The following ANKS1B variants were observed in gnomAD, a reference collection of about 807,000 sequenced individuals.
The protein encoded by ANKS1B is ankyrin repeat and sterile alpha motif domain containing 1B, also known as ankyrin repeat and sterile alpha motif domain-containing protein 1B.
ANKS1B carries 36 observed loss-of-function variants against 148.3 expected under a neutral mutation model. The observed-to-expected ratio is 0.24, with a 90% CI of 0.19 to 0.32. ANKS1B has a LOEUF of 0.32. ANKS1B is among the 10% of genes least tolerant of loss of function. The probability of loss-of-function intolerance (pLI) is 1.00; values close to 1 mark genes in which losing one functional copy is unlikely to be tolerated. For missense variants in ANKS1B, 1,157 were observed against 1,542.6 expected (o/e 0.75, Z 4.19); for synonymous variants, 542 against 560.8 (o/e 0.97, Z 0.47).
At chr12:99,717,899 CTT>C (rs943618905) in intron 8 of ANKS1B, among the ~76,000 whole-genome samples, 376 of 111,022 alleles carry the variant, frequency 3.4e-3, no homozygotes, top group Non-Finnish European at 4.4e-3. Flanking sequence ...AGACAATACT[CTT>C]TTTTTTTTTT....
At chr12:99,014,632 C>T (rs545125029) in intron 17 of ANKS1B, among the ~76,000 whole-genome samples, 27 of 152,112 alleles carry the variant, frequency 1.8e-4, no homozygotes, top group Non-Finnish European at 2.9e-4. Context: ...ATCTGACAAA[C>T]GTCTAATATC....
At chr12:99,078,742 C>G (rs1353860777) in intron 16 of ANKS1B, among the ~76,000 whole-genome samples, 7 of 149,362 alleles carry the variant, frequency 4.7e-5, no homozygotes, top group African/African-American at 1.7e-4. Flanking sequence ...CTAAGATGTA[C>G]CCCACCCTGC....
At chr12:99,920,382 G>A (rs2094314883) in intron 1 of ANKS1B, among the ~76,000 whole-genome samples, 1 of 151,862 alleles carries the variant, frequency 6.6e-6, no homozygotes, top group African/African-American at 2.4e-5. Context: ...ACAAGTGAAG[G>A]TTAGCTGTCT....
intron 1 of ANKS1B, among the ~76,000 whole-genome samples, chr12:99,894,501 C>A (rs144079197): frequency 1.6e-5 from 2 of 126,208 alleles, no homozygotes; most frequent in Admixed American, 1.6e-4. Context: ...AGAGCGGGAC[C>A]CTGTCTCAAA....
At chr12:99,184,701 A>G (rs936321446) in intron 14 of ANKS1B, among the ~76,000 whole-genome samples, 5 of 152,230 alleles carry the variant, frequency 3.3e-5, no homozygotes, top group African/African-American at 1.2e-4. Flanking sequence ...CATTGCTTAC[A>G]ATGTATCCTC....
In ANKS1B at chr12:99,578,793, A is replaced by T. The variant is rs1426273744; in HGVS notation, c.1273-74152T>A. Among the ~76,000 whole-genome samples, 3 of 152,200 alleles carry T rather than the reference A, an allele frequency of 2.0e-5. 1 individual carries two copies. The East Asian group carries it at 5.8e-4, about 29-fold the overall frequency. On this transcript the variant is annotated intron_variant, in intron 9 of 26. Coordinates refer to ENST00000683438, the MANE Select transcript of ANKS1B (RefSeq NM_001352186.2). ...GCTGCCCATAGCAATTTACAGATTC[A>T]GTGATATTCCTGTGAAACTACCAAC...
chr12:99,430,809 C>T (rs778504052), intron 11 of ANKS1B, among the ~76,000 whole-genome samples: 1 of 152,146 alleles, frequency 6.6e-6, no homozygotes, highest in African/African-American at 2.4e-5. Context: ...TGTGTCTAAT[C>T]CAAGAGTGAA....
intron 15 of ANKS1B, among the ~76,000 whole-genome samples, chr12:99,149,492 G>A (rs764513981): frequency 9.2e-5 from 14 of 152,082 alleles, no homozygotes; most frequent in Non-Finnish European, 1.6e-4. Context: ...TTCTTATTCT[G>A]TAAAGGCTGC....
At chr12:98,817,616 T>C (rs918143402) in intron 19 of ANKS1B, among the ~76,000 whole-genome samples, 9 of 152,316 alleles carry the variant, frequency 5.9e-5, no homozygotes, top group African/African-American at 1.9e-4. Flanking sequence ...AACAACTGCA[T>C]GGGATTTAGA....
intron 17 of ANKS1B, among the ~76,000 whole-genome samples, chr12:98,996,015 A>G (rs2099929345): frequency 6.6e-6 from 1 of 151,150 alleles, no homozygotes; most frequent in Non-Finnish European, 1.5e-5. Context: ...GAACTACCGA[A>G]GGACTAGAGG....
chr12:99,262,041 C>G (rs921196940), intron 12 of ANKS1B, among the ~76,000 whole-genome samples: 1 of 152,102 alleles, frequency 6.6e-6, no homozygotes, highest in Non-Finnish European at 1.5e-5. Flanking sequence ...GACCTTTGTA[C>G]TTGTTTTTTC....
At chr12:99,162,543 C>T (rs1334064861) in intron 14 of ANKS1B, among the ~76,000 whole-genome samples, 1 of 151,864 alleles carries the variant, frequency 6.6e-6, no homozygotes, top group African/African-American at 2.4e-5. Flanking sequence ...CCATTCTTGT[C>T]CTGCAATCTG....
At chr12:99,111,704 C>T (rs2060323408) in intron 15 of ANKS1B, among the ~76,000 whole-genome samples, 1 of 152,052 alleles carries the variant, frequency 6.6e-6, no homozygotes, top group African/African-American at 2.4e-5. Context: ...TTTCTTTACA[C>T]GTACTTGTAA....
intron 8 of ANKS1B, among the ~76,000 whole-genome samples, chr12:99,692,456 A>T (rs899069371): frequency 3.3e-5 from 5 of 152,058 alleles, no homozygotes; most frequent in Non-Finnish European, 7.4e-5. Context: ...GGATCACTTG[A>T]GGTCAGGAGT....
At chr12:98,911,102 AT>A (rs5800374) in intron 17 of ANKS1B, among the ~76,000 whole-genome samples, 56,752 of 151,286 alleles carry the variant, frequency 0.38, 11,830 homozygotes, top group Middle Eastern at 0.54. Context: ...TCTGTGGTAG[AT>A]TTTTTTTTTA....
chr12:98,973,777 T>A (rs1290806022), intron 17 of ANKS1B, among the ~76,000 whole-genome samples: 1 of 152,190 alleles, frequency 6.6e-6, no homozygotes, highest in African/African-American at 2.4e-5. Context: ...TTGTTGGTAA[T>A]CTCTTACTGT....
chr12:99,906,258 G>T (rs2093778058), intron 1 of ANKS1B, among the ~76,000 whole-genome samples: 2 of 152,138 alleles, frequency 1.3e-5, no homozygotes, highest in Non-Finnish European at 1.5e-5. Flanking sequence ...CAATGAAGAG[G>T]AAAAGACCTC....
At chr12:98,967,494 A>G (rs1032211240) in intron 17 of ANKS1B, among the ~76,000 whole-genome samples, 5 of 151,768 alleles carry the variant, frequency 3.3e-5, no homozygotes, top group Admixed American at 2.6e-4. Flanking sequence ...TGTGGAATAT[A>G]CATACTGGTG....
intron 1 of ANKS1B, among the ~76,000 whole-genome samples, chr12:99,878,539 G>A (rs1274837658): frequency 6.6e-6 from 1 of 152,148 alleles, no homozygotes; most frequent in Non-Finnish European, 1.5e-5. Flanking sequence ...AAATTTAGTT[G>A]ATAGTTTTAT....
Sources: gnomAD v4.1 joint callset for allele counts (sites outside exome capture counted in the v4.1 genomes callset) on GRCh38, gnomAD v4.1.1 for gene constraint, MANE v1.5 for transcripts, NCBI Gene and HGNC (gene_info 2026-07-23, HGNC 2026-07-21) for gene names.